The following ADAMTSL1 variants were observed in gnomAD, a reference collection of about 807,000 sequenced individuals.
ADAMTSL1 encodes the protein ADAMTS-like protein 1.
In ADAMTSL1, 126 loss-of-function variants were observed where a neutral mutation model predicts 201.8. The ratio of observed to expected loss-of-function variants is 0.62; its 90% CI spans 0.54 to 0.72. The LOEUF (loss-of-function observed/expected upper bound fraction) is 0.72. ADAMTSL1 is among the 30% of genes least tolerant of loss of function. ADAMTSL1 has a pLI of 0.00. For missense variants in ADAMTSL1, 2,679 were observed against 2,277.8 expected (o/e 1.18, Z -3.59); for synonymous variants, 1,121 against 903.4 (o/e 1.24, Z -4.32).
At chr9:18,552,147 C>G (rs1414183785) in intron 3 of ADAMTSL1, among the ~76,000 whole-genome samples, 1 of 151,718 alleles carries the variant, frequency 6.6e-6, no homozygotes, top group African/African-American at 2.4e-5. Flanking sequence ...TTTCTTCAAA[C>G]TTATTTTAGT....
rs531863636 is a variant in ADAMTSL1, at chr9:18,439,572, C to T, written c.208-65257C>T. Among the ~76,000 whole-genome samples, 6 of 152,056 alleles carry T rather than the reference C, an allele frequency of 3.9e-5. No individual in the cohort carries two copies. The South Asian group carries it at 6.2e-4, about 16-fold the overall frequency. The stretch of plus-strand genomic sequence containing the variant: ...AGTAGAGACGGGATTTCACCATGTT[C>T]GCCAGGATGGTCTCGATCTCCTGAC... On this transcript the variant is annotated intron_variant, in intron 2 of 29. Coordinates refer to the ADAMTSL1 transcript ENST00000680146.
At chr9:17,939,376 G>A (rs538645724) in intron 1 of ADAMTSL1, among the ~76,000 whole-genome samples, 20 of 151,032 alleles carry the variant, frequency 1.3e-4, no homozygotes, top group Non-Finnish European at 1.8e-4. Flanking sequence ...GTCTGTTCTT[G>A]GGTCCCCTTT....
intron 9 of ADAMTSL1, among the ~76,000 whole-genome samples, chr9:18,670,965 G>C (rs974490055): frequency 1.3e-5 from 2 of 149,352 alleles, no homozygotes; most frequent in African/African-American, 2.5e-5. Context: ...TCCACCCTCT[G>C]TGTACTTTAA....
At chr9:18,805,259 T>G (rs1346787249) in intron 20 of ADAMTSL1, among the ~76,000 whole-genome samples, 1 of 152,264 alleles carries the variant, frequency 6.6e-6, no homozygotes, top group Non-Finnish European at 1.5e-5. Context: ...TCTGTTGTAT[T>G]TAAATTATTT....
chr9:18,735,838 C>T (rs780291191), intron 15 of ADAMTSL1, among the ~76,000 whole-genome samples: 2 of 147,840 alleles, frequency 1.4e-5, no homozygotes, highest in African/African-American at 2.5e-5. Context: ...ACAGCCTCAA[C>T]CTCCTGGGCT....
At chr9:18,394,362 C>T (rs1406556889) in intron 2 of ADAMTSL1, among the ~76,000 whole-genome samples, 11 of 152,070 alleles carry the variant, frequency 7.2e-5, no homozygotes, top group Admixed American at 5.2e-4. Context: ...GCTTTTTGGT[C>T]CTATGCCCCA....
chr9:18,137,959 A>G (rs564296618), intron 1 of ADAMTSL1, among the ~76,000 whole-genome samples: 9 of 152,270 alleles, frequency 5.9e-5, no homozygotes, highest in African/African-American at 2.2e-4. Context: ...AAGGATCTCA[A>G]GCTAGGGACC....
intron 23 of ADAMTSL1, among the ~76,000 whole-genome samples, chr9:18,831,968 G>C (rs1036181129): frequency 1.3e-5 from 2 of 152,188 alleles, no homozygotes; most frequent in Admixed American, 6.5e-5. Flanking sequence ...GAAAGGAAGA[G>C]AAATGGGCAC....
At chr9:18,348,962 T>C (rs1835844445) in intron 2 of ADAMTSL1, among the ~76,000 whole-genome samples, 1 of 152,206 alleles carries the variant, frequency 6.6e-6, no homozygotes, top group Non-Finnish European at 1.5e-5. Context: ...TCTCATTTAA[T>C]CCTCATGTTG....
chr9:18,048,193 T>C (rs1428912749), intron 1 of ADAMTSL1, among the ~76,000 whole-genome samples: 2 of 152,232 alleles, frequency 1.3e-5, no homozygotes, highest in Admixed American at 6.5e-5. Flanking sequence ...ATCTTTGGGC[T>C]ATTCTTGAAA....
At chr9:18,690,704 T>A (rs1173300043) in intron 13 of ADAMTSL1, among the ~76,000 whole-genome samples, 1 of 152,186 alleles carries the variant, frequency 6.6e-6, no homozygotes, top group Non-Finnish European at 1.5e-5. Flanking sequence ...ATGGTAGAGG[T>A]AAAGCCTCAC....
intron 2 of ADAMTSL1, among the ~76,000 whole-genome samples, chr9:18,165,420 G>A (rs1315490227): frequency 6.6e-6 from 1 of 151,800 alleles, no homozygotes; most frequent in Admixed American, 6.6e-5. Context: ...ACCAATTTTT[G>A]TCACTTGGTA....
At chr9:18,517,573 C>A (rs1391501829) in intron 2 of ADAMTSL1, among the ~76,000 whole-genome samples, 4 of 143,684 alleles carry the variant, frequency 2.8e-5, no homozygotes, top group Non-Finnish European at 6.1e-5. Context: ...CCCCCCTCCC[C>A]CCACACCACC....
rs1276838636 is a variant in ADAMTSL1 at position 18,639,386 on chromosome 9, C to T, written c.809C>T (p.Pro270Leu). 2 of 1,612,648 alleles carry T rather than the reference C, an allele frequency of 1.2e-6. No homozygotes were observed. Among genetic ancestry groups the T allele is most frequent in the Non-Finnish European group, 1.7e-6 (2 of 1,179,074 alleles). ...PDKEILRMAG[P>L]LTADFIVKIR... is the part of the protein sequence containing the mutation. Reference sequence around the variant, plus strand: ...AAAGAGATACTGAGAATGGCTGGACCACTCACAGCAGATTTCATTGTCAAG... The same window carrying T: ...AAAGAGATACTGAGAATGGCTGGACTACTCACAGCAGATTTCATTGTCAAG... Residue 270 changes from proline to leucine, a missense_variant, in exon 7 of 29, where the codon CCA (proline) becomes CTA (leucine). By Grantham distance (98) the Pro-to-Leu change is moderately conservative (BLOSUM62 -3). Transcript: ENST00000380548.
chr9:18,565,625 G>C (rs1297940252), intron 3 of ADAMTSL1, among the ~76,000 whole-genome samples: 1 of 146,880 alleles, frequency 6.8e-6, no homozygotes, highest in Non-Finnish European at 1.5e-5. Flanking sequence ...AATTAGCCAA[G>C]AACGGCCTTT....
At chr9:18,623,417 A>G (rs1197188254) in intron 5 of ADAMTSL1, among the ~76,000 whole-genome samples, 1 of 152,194 alleles carries the variant, frequency 6.6e-6, no homozygotes, top group African/African-American at 2.4e-5. Flanking sequence ...ACACAGTTGT[A>G]ATGGAGCCAA....
chr9:18,796,876 T>C (rs1822458749), intron 20 of ADAMTSL1: 1 of 152,266 alleles, frequency 6.6e-6, no homozygotes, highest in Admixed American at 6.5e-5. Flanking sequence ...GCAAGGGCAC[T>C]GCTGACATCT....
At chr9:18,399,032 AC>A (rs1460798552) in intron 2 of ADAMTSL1, among the ~76,000 whole-genome samples, 1 of 151,720 alleles carries the variant, frequency 6.6e-6, no homozygotes, top group Non-Finnish European at 1.5e-5. Context: ...AACACATACC[AC>A]AGAGCCACTT....
chr9:18,826,075 A>T (rs1033513919), intron 21 of ADAMTSL1: 2 of 630,316 alleles, frequency 3.2e-6, no homozygotes, highest in Non-Finnish European at 5.6e-6. Flanking sequence ...TTGTATCAAC[A>T]TTTATTCTGA....
Sources: gnomAD v4.1 joint callset for allele counts (sites outside exome capture counted in the v4.1 genomes callset) on GRCh38, gnomAD v4.1.1 for gene constraint, MANE v1.5 for transcripts, NCBI Gene and HGNC (gene_info 2026-07-23, HGNC 2026-07-21) for gene names.